TYMS: variants seen among roughly 807,000 people sequenced by gnomAD.
The protein encoded by TYMS is thymidylate synthase.
TYMS carries 21 observed loss-of-function variants against 39.3 expected under a neutral mutation model. That is an observed-to-expected ratio of 0.54 (90% CI 0.38 to 0.77). TYMS has a LOEUF of 0.77. TYMS is among the 30% of genes least tolerant of loss of function. The pLI, the probability that TYMS is intolerant of heterozygous loss-of-function variation, is 0.00. For synonymous variants in TYMS, 171 were observed against 162.2 expected, an observed-to-expected ratio of 1.05 and a Z score of -0.41; for missense variants, 273 against 406.7, an observed-to-expected ratio of 0.67 and a Z score of 2.83.
intron 3 of TYMS, among the ~76,000 whole-genome samples, chr18:667,074 T>G (rs1327079063): frequency 1.9e-5 from 1 of 53,240 alleles, no homozygotes; most frequent in Non-Finnish European, 3.3e-5. Flanking sequence ...GTGATGGTGA[T>G]GGAGATGGTG....
At chr18:670,522 C>G (rs2074992069) in intron 4 of TYMS, 170 bp from the exon 5 acceptor site, 2 of 652,518 alleles carry the variant, frequency 3.1e-6, no homozygotes, top group Non-Finnish European at 5.2e-6. Flanking sequence ...TCTCCCTCAG[C>G]TCCGTGCCAT....
In TYMS at chr18:658,002, G is replaced by T; in HGVS notation, c.205+55G>T. On this transcript the variant is annotated intron_variant, in intron 1 of 6. Coordinates refer to ENST00000323274, the MANE Select transcript of TYMS (RefSeq NM_001071.4). This position sits in a 1 kb window ranked among gnomAD's most constrained non-coding sequence, Gnocchi z 4.5. ...GGCGGGAAGGAGGGAGGCGCGGCTGGGGAGAGCGCTCGGGAGCTGCCGGGC... is the reference window on the plus strand; with the variant it reads ...GGCGGGAAGGAGGGAGGCGCGGCTGTGGAGAGCGCTCGGGAGCTGCCGGGC... 1 of 1,522,106 alleles carries T rather than the reference G, an allele frequency of 6.6e-7. No individual in the cohort carries two copies. The highest frequency in any genetic ancestry group is 1.3e-5 in the South Asian group (1 of 78,512). 94.3% of individuals were successfully genotyped at this position (1,522,106 alleles called of 1,614,324 possible).
At chr18:667,463 A>T (rs113870701) in intron 3 of TYMS, among the ~76,000 whole-genome samples, 6 of 3,528 alleles carry the variant, frequency 1.7e-3, no homozygotes, top group African/African-American at 4.9e-3. Context: ...GTGATGATGG[A>T]GATGGTGATG....
intron 3 of TYMS, among the ~76,000 whole-genome samples, chr18:667,559 T>TGATGGTGATGGTGATGGA (rs2074879275): frequency 3.0e-5 from 2 of 66,344 alleles, no homozygotes; most frequent in Non-Finnish European, 5.4e-5. Context: ...ATGGAGATGG[T>TGATGGTGATGGTGATGGA]GATGGTGATG....
intron 3 of TYMS, among the ~76,000 whole-genome samples, chr18:667,035 A>T (rs375975675): frequency 0.045 from 464 of 10,262 alleles, 131 homozygotes; most frequent in Non-Finnish European, 0.057. Context: ...ATGGTGATGG[A>T]GATGGTGATG....
chr18:670,677 C>G lies in TYMS; in HGVS notation c.557-15C>G. The G allele has an allele frequency of 6.2e-7, 1 of 1,613,260 alleles. No individual in the cohort carries two copies. The highest frequency in any genetic ancestry group is 1.3e-5 in the African/African-American group (1 of 75,034). ...AACCACCATCCCTCCTTATCTTCCT[C>G]TGCTGGTTCCTCAGATCTTCCTCTG... On this transcript the variant is annotated splice_polypyrimidine_tract_variant and intron_variant, in intron 4 of 6. Transcript: ENST00000323274.
rs1322270511 is a variant in TYMS at position 660,429 on chromosome 18, T to C, written c.279+715T>C. On this transcript the variant is annotated intron_variant, in intron 2 of 6. Transcript: ENST00000323274. The surrounding 1 kb of genome is among the most constrained non-coding windows in gnomAD (Gnocchi z 4.6). Reference sequence around the variant, plus strand: ...ATGTATGTCAGCCTTTCCCTTCCCCTGTTAGAAGGGGGACAGCAGGTAGTA... The same window carrying C: ...ATGTATGTCAGCCTTTCCCTTCCCCCGTTAGAAGGGGGACAGCAGGTAGTA... Among the ~76,000 whole-genome samples the C allele has an allele frequency of 6.7e-6, 1 of 149,630 alleles. No individual in the cohort carries two copies. The highest frequency in any genetic ancestry group is 2.4e-5 in the African/African-American group (1 of 41,078).
intron 3 of TYMS, chr18:667,885 A>G (rs945932535): frequency 1.3e-5 from 2 of 151,908 alleles, no homozygotes; most frequent in African/African-American, 4.8e-5. Context: ...AAAAGGCCTA[A>G]TAAAATTATG....
rs1598464504 is a variant in TYMS, at chr18:662,240, C to A, written c.374C>A (p.Thr125Asn). 1 of 1,614,010 alleles carries A rather than the reference C, an allele frequency of 6.2e-7. No homozygotes were observed. The highest frequency in any genetic ancestry group is 2.2e-5 in the East Asian group (1 of 44,856). The change falls in exon 3 of 7, where the codon ACC (threonine) becomes AAC (asparagine). Residue 125 changes from threonine (T) to asparagine (N), a missense_variant. This residue lies in a region of TYMS where 228 missense variants were observed against 326.1 expected (regional missense o/e 0.70). Coordinates refer to ENST00000323274, the MANE Select transcript of TYMS (RefSeq NM_001071.4). Reference sequence around the variant, plus strand: ...TTTTTGGACAGCCTGGGATTCTCCACCAGAGAAGAAGGGGACTTGGGCCCA... The same window carrying A: ...TTTTTGGACAGCCTGGGATTCTCCAACAGAGAAGAAGGGGACTTGGGCCCA... ...RDFLDSLGFSTREEGDLGPVY... is the reference protein window; with the variant it reads ...RDFLDSLGFSNREEGDLGPVY...
chr18:661,737 G>C (rs2074757283), intron 2 of TYMS, among the ~76,000 whole-genome samples: 2 of 152,244 alleles, frequency 1.3e-5, no homozygotes, highest in Admixed American at 1.3e-4. Flanking sequence ...TGTAATCCCA[G>C]CACTTCGGGA....
At chr18:662,604 G>A (rs537145067) in intron 3 of TYMS, among the ~76,000 whole-genome samples, 8 of 150,374 alleles carry the variant, frequency 5.3e-5, no homozygotes, top group African/African-American at 1.2e-4. Context: ...ATGCTGGTGC[G>A]CTGCACCCAC....
chr18:667,292 AGATGGT>A (rs1272453938), intron 3 of TYMS, among the ~76,000 whole-genome samples: 1 of 17,462 alleles, frequency 5.7e-5, no homozygotes. Flanking sequence ...ATGGTGATGG[AGATGGT>A]GATGGTGATG....
rs545375812 is a variant in TYMS, at chr18:665,688, GTGT to G, written c.454+3369_454+3371del. ...TTTCCCTCTACACACTGCTTTGAATGTGTCCCAGAGATTCTGGTATGTTGTGTC... is the reference window on the plus strand; with the variant it reads ...TTTCCCTCTACACACTGCTTTGAATGCCCAGAGATTCTGGTATGTTGTGTC... On this transcript the variant is annotated intron_variant, in intron 3 of 6. Coordinates refer to ENST00000323274, the MANE Select transcript of TYMS (RefSeq NM_001071.4). 8.0e-3 allele frequency among the ~76,000 whole-genome samples: 777 copies of G among 96,856 alleles called. 87 individuals are homozygous for G. The highest frequency in any genetic ancestry group is 9.7e-3 in the Non-Finnish European group (509 of 52,320). 63.5% of individuals were successfully genotyped at this position (96,856 alleles called of 152,430 possible). A position where few individuals can be genotyped will look rare whatever the true frequency, so the allele number is the denominator to read the frequency against.
At position 658,730 on chromosome 18, in the gene TYMS, C is replaced by A; in HGVS notation, c.205+783C>A. 1 of 209,626 alleles carries A rather than the reference C, an allele frequency of 4.8e-6. No homozygotes were observed. 13.0% of individuals were successfully genotyped at this position (209,626 alleles called of 1,614,324 possible). A position where few individuals can be genotyped will look rare whatever the true frequency, so the allele number is the denominator to read the frequency against. ...CGTCCTGGATCCTGCGCCAGCTGCG[C>A]GGGGGAGGGGACTCGAAGGTGTGTG... On this transcript the variant is annotated intron_variant, in intron 1 of 6. Coordinates refer to ENST00000323274, the MANE Select transcript of TYMS (RefSeq NM_001071.4). This position sits in a 1 kb window ranked among gnomAD's most constrained non-coding sequence, Gnocchi z 4.5.
chr18:672,786 G>A (rs973105154), intron 6 of TYMS, 74 bp from the exon 7 acceptor site: 50 of 1,470,904 alleles, frequency 3.4e-5, no homozygotes, highest in Non-Finnish European at 4.4e-5. Context: ...CTGTGTACTT[G>A]TTTCACGGAC....
At chr18:659,321 G>A (rs2074731860) in intron 1 of TYMS, among the ~76,000 whole-genome samples, 1 of 152,140 alleles carries the variant, frequency 6.6e-6, no homozygotes, top group South Asian at 2.1e-4. Flanking sequence ...CTTTGTGACA[G>A]GATTAGCACT....
Position 658,320 on chromosome 18 carries a change from C to A in TYMS, c.205+373C>A, listed in dbSNP as rs1448698824. 1 of 1,370,708 alleles carries A rather than the reference C, an allele frequency of 7.3e-7. No individual in the cohort carries two copies. Among genetic ancestry groups the A allele is most frequent in the East Asian group, 4.1e-5 (1 of 24,376 alleles). 84.9% of individuals were successfully genotyped at this position (1,370,708 alleles called of 1,614,324 possible). A position where few individuals can be genotyped will look rare whatever the true frequency, so the allele number is the denominator to read the frequency against. On this transcript the variant is annotated intron_variant, in intron 1 of 6. Transcript: ENST00000323274. The surrounding 1 kb of genome is among the most constrained non-coding windows in gnomAD (Gnocchi z 4.5). ...CTTGACCGCGCGCCGGTCTCAAAGT[C>A]CTGGCTTTGGCCCCTCCTCCGTTTT...
At position 658,249 on chromosome 18, in the gene TYMS, G is replaced by A. The variant is rs907108428; in HGVS notation, c.205+302G>A. On this transcript the variant is annotated intron_variant, in intron 1 of 6. Transcript: ENST00000323274. This position sits in a 1 kb window ranked among gnomAD's most constrained non-coding sequence, Gnocchi z 4.5. The stretch of plus-strand genomic sequence containing the variant: ...CGTGGCCCCCGAGGCGGGCGTCATC[G>A]GGCAGCGTTTGCCCAGTGCTGGAGG... 8 of 1,478,748 alleles carry A rather than the reference G, an allele frequency of 5.4e-6. No homozygotes were observed. Among genetic ancestry groups the A allele is most frequent in the Non-Finnish European group, 7.3e-6 (8 of 1,100,502 alleles). 91.6% of individuals were successfully genotyped at this position (1,478,748 alleles called of 1,614,324 possible).
intron 1 of TYMS, 94 bp from the exon 2 acceptor site, chr18:659,547 G>T: frequency 1.9e-6 from 2 of 1,042,502 alleles, no homozygotes; most frequent in Non-Finnish European, 1.5e-6. Flanking sequence ...ATGCTCCAGG[G>T]CCTCACGTCC....
Sources: allele counts gnomAD v4.1 joint callset (sites outside exome capture counted in the v4.1 genomes callset), GRCh38; gene constraint gnomAD v4.1.1; regional missense constraint gnomAD v4.1.1; non-coding constraint Gnocchi (gnomAD v3.1); transcripts MANE v1.5; gene names NCBI Gene and HGNC (gene_info 2026-07-23, HGNC 2026-07-21).